The following ABCA7 variants were observed in gnomAD, a reference collection of about 807,000 sequenced individuals.
ABCA7 encodes phospholipid-transporting ATPase ABCA7.
A neutral mutation model predicts 227.6 loss-of-function variants in ABCA7; 261 were observed. The observed-to-expected ratio is 1.15, with a 90% CI of 1.04 to 1.27. The LOEUF is 1.27. Among genes scored for constraint, ABCA7 ranks in the 50% most tolerant of loss-of-function variants. The probability of loss-of-function intolerance (pLI) is 0.00; values close to 1 mark genes in which losing one functional copy is unlikely to be tolerated. For synonymous variants in ABCA7, 1,488 were observed against 1,279.7 expected, an observed-to-expected ratio of 1.16 and a Z score of -3.47; for missense variants, 3,331 against 2,924.5, an observed-to-expected ratio of 1.14 and a Z score of -3.21.
In ABCA7 at chr19:1,051,500, AAGTTGTTATCCTGG is replaced by A. The variant is rs776715091; in HGVS notation, c.2878_2891del (p.Val960ArgfsTer36). ...GCCATTGCCTTTGTGGGCGGCTCCC[AAGTTGTTATCCTGG>A]ACGAGCCTACGGCTGGCGTGGATCC... On this transcript the variant is annotated frameshift_variant, in exon 21 of 47. Transcript: ENST00000263094. LOFTEE classifies it high-confidence loss of function. 3 of 1,612,376 alleles carry A rather than the reference AAGTTGTTATCCTGG, an allele frequency of 1.9e-6. No individual in the cohort carries two copies. Among genetic ancestry groups the A allele is most frequent in the Non-Finnish European group, 2.5e-6 (3 of 1,179,836 alleles).
At chr19:1,062,425 C>T in intron 42 of ABCA7, 112 bp downstream of exon 42, 1 of 1,497,152 alleles carries the variant, frequency 6.7e-7, no homozygotes, top group Non-Finnish European at 9.0e-7. Context: ...CCATCCCTGT[C>T]CCTGCCCCCA....
At chr19:1,050,004 CCCCCCACCACTTCCTCCCTGTGA>C (rs2041378805) in intron 18 of ABCA7, among the ~76,000 whole-genome samples, 1 of 122,192 alleles carries the variant, frequency 8.2e-6, no homozygotes, top group African/African-American at 3.5e-5. Flanking sequence ...TCCCTGTGAG[CCCCCCACCACTTCCTCCCTGTGA>C]GCTCCCTGTG....
chr19:1,049,957 CACCACTCCCTCCCTGTGAGCCGCCCAA>C (rs1555689202), intron 18 of ABCA7, among the ~76,000 whole-genome samples: 3 of 66,076 alleles, frequency 4.5e-5, no homozygotes, highest in Non-Finnish European at 3.2e-5. Context: ...GTGAGTCCCC[CACCACTCCCTCCCTGTGAGCCGCCCAA>C]ACCACTCCCT....
intron 12 of ABCA7, chr19:1,045,479 A>G (rs2040532506): frequency 5.7e-6 from 3 of 524,438 alleles, no homozygotes; most frequent in African/African-American, 3.8e-5. Flanking sequence ...GGTTGAGGGC[A>G]ATGGTGGGCG....
chr19:1,049,345 G>T lies in ABCA7; in HGVS notation c.2460G>T (p.Pro820=), dbSNP rs369072404. ...RSLEKRFPGS[P]QPALRGLSLD... is the part of the protein sequence containing the mutation. ...TGGAGAAGCGCTTTCCTGGAAGCCC[G>T]CAGCCAGCCCTGCGGGGGCTCAGCC... Residue 820 remains proline, a synonymous_variant, in exon 18 of 47, where the codon CCG becomes CCT. Coordinates refer to ENST00000263094, the MANE Select transcript of ABCA7 (RefSeq NM_019112.4). 1.9e-6 allele frequency: 3 copies of T among 1,611,418 alleles called. No homozygotes were observed. The highest frequency in any genetic ancestry group is 2.5e-6 in the Non-Finnish European group (3 of 1,179,244).
Position 1,060,101 on chromosome 19 carries a change from A to G in ABCA7, c.5463+1016A>G, listed in dbSNP as rs528955297. On this transcript the variant is annotated intron_variant, in intron 40 of 46. Coordinates refer to ENST00000263094, the MANE Select transcript of ABCA7 (RefSeq NM_019112.4). ...ACCAGTTCACATTCAAGCACCTACT[A>G]TATACAAATGTATTTGCTGTGTGCC... 3.9e-5 allele frequency among the ~76,000 whole-genome samples: 6 copies of G among 152,214 alleles called. No individual in the cohort carries two copies. In the East Asian group the frequency reaches 9.6e-4, roughly 24 times the overall value.
Position 1,042,731 on chromosome 19 carries a change from G to A in ABCA7, c.499-15G>A. 1 of 1,612,828 alleles carries A rather than the reference G, an allele frequency of 6.2e-7. No individual in the cohort carries two copies. On this transcript the variant is annotated splice_polypyrimidine_tract_variant and intron_variant, in intron 6 of 46. Transcript: ENST00000263094. ...TGTTCAAAATCATTGTCCCCCTTGTGGTCTTTCTCCCCAGGAATCCCTGGG... is the reference window on the plus strand; with the variant it reads ...TGTTCAAAATCATTGTCCCCCTTGTAGTCTTTCTCCCCAGGAATCCCTGGG...
At chr19:1,050,373 T>C (rs1314846835) in intron 18 of ABCA7, among the ~76,000 whole-genome samples, 14 of 138,438 alleles carry the variant, frequency 1.0e-4, no homozygotes, top group East Asian at 2.6e-4. Flanking sequence ...GACTGTGCCG[T>C]TGCACTCCAG....
chr19:1,042,031 G>C, intron 4 of ABCA7, 33 bp from the exon 5 acceptor site: 1 of 1,583,596 alleles, frequency 6.3e-7, no homozygotes, highest in East Asian at 2.3e-5. Flanking sequence ...GTGCCGGCCG[G>C]AACCCCGCCT....
chr19:1,042,099 T>A lies in ABCA7; in HGVS notation c.338T>A (p.Leu113Gln), dbSNP rs1400485662. 6.3e-7 allele frequency: 1 copy of A among 1,598,426 alleles called. No individual in the cohort carries two copies. The highest frequency in any genetic ancestry group is 1.3e-5 in the African/African-American group (1 of 74,978). ...CTGCTAGCCGATGCCCGCACTGTGC[T>A]GGGAGGGGCCAGTGCCCACAGGACG... is the stretch of plus-strand genomic sequence containing the variant. ...SRLLADARTV[L>Q]GGASAHRTLA... Residue 113 changes from leucine to glutamine, a missense_variant, in exon 5 of 47, where the codon CTG becomes CAG. Physicochemically the swap from Leu to Gln is moderately radical, Grantham distance 113 (BLOSUM62 -2). Coordinates refer to ENST00000263094, the MANE Select transcript of ABCA7 (RefSeq NM_019112.4).
In ABCA7 at chr19:1,060,207, A is replaced by ATATATTTTT; in HGVS notation, c.5463+1123_5463+1124insATATTTTTT. On this transcript the variant is annotated intron_variant, in intron 40 of 46. Transcript: ENST00000263094. ...AGCACACATTGCAGTATATATATAT[A>ATATATTTTT]TTTTTTTTTCTTTTTTTTTCTTTTG... 1.1e-3 allele frequency among the ~76,000 whole-genome samples: 109 copies of ATATATTTTT among 96,860 alleles called. 6 individuals carry two copies. The highest frequency in any genetic ancestry group is 3.6e-3 in the African/African-American group (103 of 28,758). 63.5% of individuals were successfully genotyped at this position (96,860 alleles called of 152,430 possible). A position where few individuals can be genotyped will look rare whatever the true frequency, so the allele number is the denominator to read the frequency against.
chr19:1,063,954 G>T (rs867628463), intron 44 of ABCA7, 91 bp downstream of exon 44: 6 of 1,434,454 alleles, frequency 4.2e-6, no homozygotes, highest in Middle Eastern at 4.1e-4. Flanking sequence ...GGGATGGGGG[G>T]TCCTGGCCCT....
At chr19:1,044,801 A>G in intron 11 of ABCA7, 57 bp downstream of exon 11, 2 of 1,538,368 alleles carry the variant, frequency 1.3e-6, no homozygotes, top group Non-Finnish European at 1.7e-6. Context: ...GTCCCATCCT[A>G]GTGTTCCCAC....
intron 44 of ABCA7, 36 bp downstream of exon 44, chr19:1,063,899 G>C: frequency 6.7e-7 from 1 of 1,499,790 alleles, no homozygotes; most frequent in Non-Finnish European, 8.9e-7. Context: ...CTGTGGTTAA[G>C]GTGATCCAGG....
At position 1,065,096 on chromosome 19, in the gene ABCA7, C is replaced by G; in HGVS notation, c.6210C>G (p.Val2070=). The change falls in exon 46 of 47, where the codon GTC becomes GTG. Residue 2070 remains valine (V), a synonymous_variant. Transcript: ENST00000263094. ...GAGGGCGCTGCGCCCTGGCGCGCGT[C>G]TTTGGAGAGCTGGCGGTGCACGGCG... The part of the protein sequence containing the change: ...PPGGRCALAR[V]FGELAVHGAE... 1.9e-6 allele frequency: 3 copies of G among 1,580,858 alleles called. No individual in the cohort carries two copies. Among genetic ancestry groups the G allele is most frequent in the Non-Finnish European group, 2.6e-6 (3 of 1,164,224 alleles).
rs140753161 is a variant in ABCA7 at position 1,054,197 on chromosome 19, G to A, written c.3582G>A (p.Gly1194=). The A allele has an allele frequency of 5.2e-5, 84 of 1,609,648 alleles. No homozygotes were observed. Among genetic ancestry groups the A allele is most frequent in the Admixed American group, 6.7e-5 (4 of 59,726 alleles). ...TGACCCTCTCATCCCTCACAGCTGG[G>A]TCAGCCCCAGAGACTGACCAGGGCT... ...ETALENGEPA[G]SAPETDQGSG... The change falls in exon 27 of 47, where the codon GGG becomes GGA. Residue 1194 remains glycine, a synonymous_variant. Transcript: ENST00000263094. This position sits in a 1 kb window ranked among gnomAD's most constrained non-coding sequence, Gnocchi z 4.8.
In ABCA7 at chr19:1,055,143, A is replaced by C. The variant is rs1474645066; in HGVS notation, c.3997A>C (p.Ser1333Arg). 3 of 1,612,878 alleles carry C rather than the reference A, an allele frequency of 1.9e-6. No homozygotes were observed. In the African/African-American group the frequency reaches 4.0e-5, roughly 22 times the overall value. Residue 1333 changes from serine (S) to arginine (R), a missense_variant, in exon 30 of 47, where the codon AGT becomes CGT. Physicochemically the swap from Ser to Arg is moderately radical, Grantham distance 110. Coordinates refer to ENST00000263094, the MANE Select transcript of ABCA7 (RefSeq NM_019112.4). ...VPAEVAKVLA[S>R]GNWTPESPSP... ...TGCTGAAGTGGCCAAGGTCTTGGCC[A>C]GTGGCAACTGGACCCCAGAGTCTCC...
At chr19:1,050,572 T>C (rs976138897) in intron 18 of ABCA7, among the ~76,000 whole-genome samples, 9 of 151,458 alleles carry the variant, frequency 5.9e-5, no homozygotes, top group South Asian at 2.1e-4. Flanking sequence ...GAGATTGAGA[T>C]CATCCTGGCT....
At chr19:1,058,469 C>T in intron 37 of ABCA7, 149 bp from the exon 38 acceptor site, 1 of 1,433,164 alleles carries the variant, frequency 7.0e-7, no homozygotes. Context: ...CACAAGAGGC[C>T]TCTTCTGTTT....
Sources: allele counts gnomAD v4.1 joint callset (sites outside exome capture counted in the v4.1 genomes callset), GRCh38; gene constraint gnomAD v4.1.1; non-coding constraint Gnocchi (gnomAD v3.1); transcripts MANE v1.5; gene names NCBI Gene and HGNC (gene_info 2026-07-23, HGNC 2026-07-21).